Variants in ADAMTSL3 observed in about 807,000 individuals in gnomAD.
The protein encoded by ADAMTSL3 is ADAMTS-like protein 3.
Under a neutral mutation model 201.7 loss-of-function variants are expected in ADAMTSL3, and 128 were observed. The observed-to-expected ratio is 0.63, with a 90% CI of 0.55 to 0.73. The LOEUF is 0.73. ADAMTSL3 is among the 30% of genes least tolerant of loss of function. The pLI is 0.00. For synonymous variants in ADAMTSL3, 738 were observed against 748.4 expected (o/e 0.99, Z 0.23); for missense variants, 1,990 against 2,119.6 (o/e 0.94, Z 1.20).
At chr15:83,681,125 A>G (rs763485990) in intron 2 of ADAMTSL3, among the ~76,000 whole-genome samples, 14 of 152,362 alleles carry the variant, frequency 9.2e-5, no homozygotes, top group Middle Eastern at 6.8e-3. Context: ...ATCTGATACC[A>G]GCTAGAATAG....
At position 83,970,629 on chromosome 15, in the gene ADAMTSL3, A is replaced by G; in HGVS notation, c.2636A>G (p.Glu879Gly). 1 of 1,614,186 alleles carries G rather than the reference A, an allele frequency of 6.2e-7. No individual in the cohort carries two copies. Among genetic ancestry groups the G allele is most frequent in the South Asian group, 1.1e-5 (1 of 91,076 alleles). Residue 879 changes from glutamate to glycine, a missense_variant, in exon 20 of 30, where the codon GAG (glutamate) becomes GGG (glycine). Transcript: ENST00000286744. ...LPLVRSCQMP[E>G]CSKIKSEMKT... The stretch of plus-strand genomic sequence containing the variant: ...CTTGTAAGATCTTGCCAGATGCCTG[A>G]GTGCAGTAGTAAGTATGCGGTGTCC...
At chr15:83,660,488 C>T (rs761493960) in intron 2 of ADAMTSL3, among the ~76,000 whole-genome samples, 16 of 152,310 alleles carry the variant, frequency 1.1e-4, no homozygotes, top group African/African-American at 2.9e-4. Flanking sequence ...TTTGGCCCCT[C>T]GACAAGTCAT....
intron 7 of ADAMTSL3, among the ~76,000 whole-genome samples, chr15:83,852,956 A>T (rs1218048680): frequency 6.6e-6 from 1 of 152,126 alleles, no homozygotes; most frequent in Non-Finnish European, 1.5e-5. Context: ...TCCTGGGTTC[A>T]AGTGATTCTC....
intron 4 of ADAMTSL3, among the ~76,000 whole-genome samples, chr15:83,801,204 T>C (rs2063508891): frequency 6.6e-6 from 1 of 152,148 alleles, no homozygotes; most frequent in Non-Finnish European, 1.5e-5. Flanking sequence ...ATTGTGATAA[T>C]CTGGGAAGAT....
chr15:83,908,656 A>G (rs373800427), intron 15 of ADAMTSL3, among the ~76,000 whole-genome samples: 2 of 152,132 alleles, frequency 1.3e-5, no homozygotes, highest in African/African-American at 4.8e-5. Context: ...TTATGTTCCT[A>G]TAGGAGACTT....
At chr15:83,901,580 A>G (rs1040008111) in intron 15 of ADAMTSL3, among the ~76,000 whole-genome samples, 2 of 152,252 alleles carry the variant, frequency 1.3e-5, no homozygotes, top group African/African-American at 4.8e-5. Context: ...GTATTTAAGT[A>G]CTAAAGAAGG....
At chr15:83,899,768 T>C (rs1490345791) in intron 15 of ADAMTSL3, 37 bp downstream of exon 15, 7 of 1,592,790 alleles carry the variant, frequency 4.4e-6, no homozygotes, top group Non-Finnish European at 6.0e-6. Flanking sequence ...AATCAGGGCA[T>C]AGCCAGTTAA....
At chr15:83,663,679 C>T (rs1353216984) in intron 2 of ADAMTSL3, among the ~76,000 whole-genome samples, 1 of 152,180 alleles carries the variant, frequency 6.6e-6, no homozygotes, top group African/African-American at 2.4e-5. Flanking sequence ...ATGACCTTGT[C>T]CCCCAAGTGA....
chr15:83,700,381 A>G (rs2061754802), intron 2 of ADAMTSL3, among the ~76,000 whole-genome samples: 1 of 152,230 alleles, frequency 6.6e-6, no homozygotes, highest in Admixed American at 6.5e-5. Flanking sequence ...GTGATTGGTT[A>G]GTCTCCTAAC....
chr15:83,883,140 TTCTATTTTATTTTA>T (rs1457728346), intron 9 of ADAMTSL3, among the ~76,000 whole-genome samples: 3 of 23,804 alleles, frequency 1.3e-4, no homozygotes, highest in Non-Finnish European at 1.9e-4. Flanking sequence ...ATAATACTAT[TTCTATTTTATTTTA>T]TTTTATTTTA....
At chr15:83,969,332 T>C (rs972485245) in intron 19 of ADAMTSL3, among the ~76,000 whole-genome samples, 2 of 151,956 alleles carry the variant, frequency 1.3e-5, no homozygotes, top group Admixed American at 1.3e-4. Context: ...AAATCCCAGC[T>C]ACTTGGGAGG....
At chr15:83,819,241 G>A (rs1484577339) in intron 5 of ADAMTSL3, among the ~76,000 whole-genome samples, 1 of 147,200 alleles carries the variant, frequency 6.8e-6, no homozygotes, top group African/African-American at 2.5e-5. Context: ...CTCCAGCCTG[G>A]CGACAGAGTG....
chr15:84,035,207 A>AT (rs2068482643), intron 28 of ADAMTSL3, among the ~76,000 whole-genome samples: 1 of 152,174 alleles, frequency 6.6e-6, no homozygotes. Context: ...CTTTCATCAA[A>AT]GCAAAAGGGG....
intron 17 of ADAMTSL3, among the ~76,000 whole-genome samples, chr15:83,929,982 C>T (rs2066326360): frequency 6.6e-6 from 1 of 152,278 alleles, no homozygotes; most frequent in South Asian, 2.1e-4. Flanking sequence ...TGGCTCACTT[C>T]TCACTGGTAA....
At chr15:83,668,436 T>C (rs1361708396) in intron 2 of ADAMTSL3, among the ~76,000 whole-genome samples, 1 of 152,094 alleles carries the variant, frequency 6.6e-6, no homozygotes, top group Admixed American at 6.6e-5. Flanking sequence ...ATTTCTTCCT[T>C]ATTCTGAAGT....
At chr15:83,693,077 T>C (rs1314968203) in intron 2 of ADAMTSL3, among the ~76,000 whole-genome samples, 5 of 152,292 alleles carry the variant, frequency 3.3e-5, no homozygotes, top group East Asian at 3.9e-4. Flanking sequence ...TCTTTCTTTC[T>C]TCTTTTTTAT....
At chr15:83,745,635 G>A (rs2062532556) in intron 3 of ADAMTSL3, among the ~76,000 whole-genome samples, 1 of 152,080 alleles carries the variant, frequency 6.6e-6, no homozygotes, top group Non-Finnish European at 1.5e-5. Flanking sequence ...AGAGAGTGCA[G>A]TCCACCCCTG....
rs547979693 is a variant in ADAMTSL3 at position 83,767,539 on chromosome 15, T to A, written c.190-5984T>A. On this transcript the variant is annotated intron_variant, in intron 3 of 29. Transcript: ENST00000286744. Reference sequence around the variant, plus strand: ...ACACAGACATTCACCTGGGTTACAATCAGGCCAAAGAGCCAGCTGATATCA... The same window carrying A: ...ACACAGACATTCACCTGGGTTACAAACAGGCCAAAGAGCCAGCTGATATCA... Among the ~76,000 whole-genome samples, 60 of 152,340 alleles carry A rather than the reference T, an allele frequency of 3.9e-4. No homozygotes were observed. In the South Asian group the frequency reaches 0.012, roughly 31 times the overall value.
intron 28 of ADAMTSL3, 69 bp from the exon 29 acceptor site, chr15:84,036,704 C>T (rs2068512341): frequency 1.6e-6 from 2 of 1,287,728 alleles, no homozygotes; most frequent in Non-Finnish European, 2.1e-6. Flanking sequence ...AAGGCTTGGT[C>T]CCAGCAAAAA....
Sources: allele counts gnomAD v4.1 joint callset (sites outside exome capture counted in the v4.1 genomes callset), GRCh38; gene constraint gnomAD v4.1.1; transcripts MANE v1.5; gene names NCBI Gene and HGNC (gene_info 2026-07-23, HGNC 2026-07-21).